Variants in TMEM64 observed in about 807,000 individuals in gnomAD.
TMEM64 encodes the protein transmembrane protein 64.
In TMEM64, 19 loss-of-function variants were observed where a neutral mutation model predicts 24.5. The observed-to-expected ratio is 0.78, with a 90% CI of 0.54 to 1.14. The LOEUF is 1.14. Ranked by LOEUF, TMEM64 falls within the 50% of genes most tolerant of loss-of-function variation. The probability of loss-of-function intolerance (pLI) is 0.00; values close to 1 mark genes in which losing one functional copy is unlikely to be tolerated. For missense variants in TMEM64, 487 were observed against 493.0 expected, an observed-to-expected ratio of 0.99 and a Z score of 0.12; for synonymous variants, 262 against 224.7, an observed-to-expected ratio of 1.17 and a Z score of -1.49.
At chr8:90,634,602 T>C (rs1809487554) in intron 1 of TMEM64, among the ~76,000 whole-genome samples, 1 of 152,230 alleles carries the variant, frequency 6.6e-6, no homozygotes. Context: ...TATTAGGTAT[T>C]CTTATCCAGA....
chr8:90,627,795 A>C (rs945143302), intron 2 of TMEM64, among the ~76,000 whole-genome samples: 1 of 152,204 alleles, frequency 6.6e-6, no homozygotes, highest in African/African-American at 2.4e-5. Context: ...AAGCTAGGCA[A>C]GTGGAAAAAA....
chr8:90,645,261 C>A lies in TMEM64; in HGVS notation c.645G>T (p.Arg215=). Residue 215 remains arginine (R), a synonymous_variant, in exon 1 of 3, where the codon CGG becomes CGT. Coordinates refer to ENST00000458549, the MANE Select transcript of TMEM64 (RefSeq NM_001008495.4). This position sits in a 1 kb window ranked among gnomAD's most constrained non-coding sequence, Gnocchi z 4.2. ...TGGCGGCCACCCAGGCGGTGAGGAG[C>A]CGCTTGCAGACCACATGGGCGATGA... ...GTFIAHVVCK[R]LLTAWVAARI... The A allele has an allele frequency of 6.2e-7, 1 of 1,611,618 alleles. No individual in the cohort carries two copies. Among genetic ancestry groups the A allele is most frequent in the African/African-American group, 1.3e-5 (1 of 75,014 alleles).
At chr8:90,632,307 G>A (rs1278616576) in intron 1 of TMEM64, among the ~76,000 whole-genome samples, 2 of 150,910 alleles carry the variant, frequency 1.3e-5, no homozygotes, top group African/African-American at 2.4e-5. Context: ...CCGCCACACC[G>A]CTACTTTTTG....
chr8:90,633,891 G>C (rs966459270), intron 1 of TMEM64, among the ~76,000 whole-genome samples: 5 of 151,962 alleles, frequency 3.3e-5, no homozygotes, highest in African/African-American at 1.2e-4. Flanking sequence ...TATATAGTGA[G>C]GGCTATCTGT....
intron 1 of TMEM64, 21 bp from the exon 2 acceptor site, chr8:90,631,728 G>C: frequency 1.3e-6 from 2 of 1,589,070 alleles, no homozygotes. Context: ...AGATTAAAGG[G>C]AATGATTCAT....
chr8:90,638,612 C>CCTAG (rs1809557732), intron 1 of TMEM64, among the ~76,000 whole-genome samples: 1 of 152,002 alleles, frequency 6.6e-6, no homozygotes, highest in Non-Finnish European at 1.5e-5. Flanking sequence ...TCATTGTGTC[C>CCTAG]CTAGATCTTA....
chr8:90,639,623 G>A (rs1057365319), intron 1 of TMEM64, among the ~76,000 whole-genome samples: 11 of 152,236 alleles, frequency 7.2e-5, no homozygotes, highest in African/African-American at 2.6e-4. Context: ...GTCATTAAAA[G>A]TCATGTTGTA....
In TMEM64 at chr8:90,645,057, A is replaced by C; in HGVS notation, c.795+54T>G. The C allele has an allele frequency of 6.4e-7, 1 of 1,552,382 alleles. No individual in the cohort carries two copies. Among genetic ancestry groups the C allele is most frequent in the Non-Finnish European group, 8.7e-7 (1 of 1,142,900 alleles). ...TAGAGCGCCCTCCTAGGGCCGCCAC[A>C]AGACCGCTCAAAAACAGACTTGGAG... On this transcript the variant is annotated intron_variant, in intron 1 of 2. Transcript: ENST00000458549. This position sits in a 1 kb window ranked among gnomAD's most constrained non-coding sequence, Gnocchi z 4.2.
chr8:90,633,903 G>A (rs1809477867), intron 1 of TMEM64, among the ~76,000 whole-genome samples: 1 of 151,988 alleles, frequency 6.6e-6, no homozygotes, highest in Admixed American at 6.6e-5. Context: ...GCTATCTGTT[G>A]TCTATTATAT....
Position 90,645,537 on chromosome 8 carries a change from G to A in TMEM64, c.369C>T (p.Leu123=), listed in dbSNP as rs751012298. The part of the protein sequence containing the change: ...CLGSTCWCRS[L]VLVCVLAALC... ...GGGCGGCCAACACGCAGACCAGCACGAGGCTCCGGCACCAACAGGTGCTGC... is the reference window on the plus strand; with the variant it reads ...GGGCGGCCAACACGCAGACCAGCACAAGGCTCCGGCACCAACAGGTGCTGC... The change falls in exon 1 of 3, where the codon CTC becomes CTT. Residue 123 remains leucine (L), a synonymous_variant. Coordinates refer to ENST00000458549, the MANE Select transcript of TMEM64 (RefSeq NM_001008495.4). This position sits in a 1 kb window ranked among gnomAD's most constrained non-coding sequence, Gnocchi z 4.2. 1.3e-6 allele frequency: 2 copies of A among 1,548,678 alleles called. No homozygotes were observed. The highest frequency in any genetic ancestry group is 4.9e-5 in the East Asian group (2 of 40,902).
intron 1 of TMEM64, among the ~76,000 whole-genome samples, chr8:90,641,534 A>G (rs10046655): frequency 0.17 from 26,092 of 152,120 alleles, 4,755 homozygotes; most frequent in African/African-American, 0.46. Flanking sequence ...AGGTGCTCTA[A>G]GACAAGTATT....
In TMEM64 at chr8:90,639,788, T is replaced by C. The variant is rs1458885073; in HGVS notation, c.795+5323A>G. ...GTTTTTCTTTGTACTTGCTATACTT[T>C]TCAAAGTTTTTACAATGAATACATA... On this transcript the variant is annotated intron_variant, in intron 1 of 2. Coordinates refer to ENST00000458549, the MANE Select transcript of TMEM64 (RefSeq NM_001008495.4). Among the ~76,000 whole-genome samples the C allele has an allele frequency of 2.0e-5, 3 of 152,314 alleles. No individual in the cohort carries two copies. In the East Asian group the frequency reaches 5.8e-4, roughly 29 times the overall value.
intron 1 of TMEM64, among the ~76,000 whole-genome samples, chr8:90,636,905 T>C (rs1809526603): frequency 6.6e-6 from 1 of 152,202 alleles, no homozygotes; most frequent in South Asian, 2.1e-4. Context: ...AGCAAGAGTT[T>C]AAGGGATGGC....
In TMEM64 at chr8:90,623,222, T is replaced by C. The variant is rs938029677; in HGVS notation, c.*2449A>G. ...CTTTAACAGTCTGAGAAATTTGACA[T>C]TTCATTTCTATAAATATACATGAGT... On this transcript the variant is annotated 3_prime_UTR_variant, in exon 3 of 3. Coordinates refer to ENST00000458549, the MANE Select transcript of TMEM64 (RefSeq NM_001008495.4). 3 of 152,164 alleles carry C rather than the reference T, an allele frequency of 2.0e-5. No individual in the cohort carries two copies. Among genetic ancestry groups the C allele is most frequent in the African/African-American group, 7.2e-5 (3 of 41,438 alleles). The allele number at this position is 152,164 out of a possible 1,614,324, so 9.4% of individuals were successfully genotyped here.
chr8:90,640,848 T>C (rs1014243065), intron 1 of TMEM64, among the ~76,000 whole-genome samples: 1 of 152,182 alleles, frequency 6.6e-6, no homozygotes, highest in Non-Finnish European at 1.5e-5. Flanking sequence ...AAGAATCTAT[T>C]TGTTGCTTCA....
At chr8:90,635,403 A>T (rs868793620) in intron 1 of TMEM64, among the ~76,000 whole-genome samples, 103 of 147,812 alleles carry the variant, frequency 7.0e-4, no homozygotes, top group Middle Eastern at 3.4e-3. Context: ...ATTTTATTTT[A>T]TTTTTTTTGA....
At chr8:90,634,575 A>C (rs1472175385) in intron 1 of TMEM64, among the ~76,000 whole-genome samples, 1 of 152,212 alleles carries the variant, frequency 6.6e-6, no homozygotes, top group Non-Finnish European at 1.5e-5. Flanking sequence ...ATCTGGATAG[A>C]CCTGAAATCT....
At position 90,645,597 on chromosome 8, in the gene TMEM64, C is replaced by T. The variant is rs1163235955; in HGVS notation, c.309G>A (p.Val103=). 1.3e-6 allele frequency: 2 copies of T among 1,538,114 alleles called. No individual in the cohort carries two copies. Among genetic ancestry groups the T allele is most frequent in the Admixed American group, 3.9e-5 (2 of 50,876 alleles). ...GSGGGGVVVG[V]AEVRNWRCCC... is the part of the protein sequence containing the mutation. ...AGCAGCGCCAGTTTCTCACCTCAGC[C>T]ACGCCGACCACCACGCCGCCGCCGC... The change falls in exon 1 of 3, where the codon GTG becomes GTA. Residue 103 remains valine, a synonymous_variant. Coordinates refer to ENST00000458549, the MANE Select transcript of TMEM64 (RefSeq NM_001008495.4). The surrounding 1 kb of genome is among the most constrained non-coding windows in gnomAD (Gnocchi z 4.2).
intron 1 of TMEM64, among the ~76,000 whole-genome samples, chr8:90,636,073 T>C (rs926302809): frequency 6.6e-6 from 1 of 152,192 alleles, no homozygotes; most frequent in Admixed American, 6.5e-5. Context: ...GACCAAACCT[T>C]ACCCTTGGGA....
Sources: allele counts gnomAD v4.1 joint callset (sites outside exome capture counted in the v4.1 genomes callset), GRCh38; gene constraint gnomAD v4.1.1; non-coding constraint Gnocchi (gnomAD v3.1); transcripts MANE v1.5; gene names NCBI Gene and HGNC (gene_info 2026-07-23, HGNC 2026-07-21).